CELA3B: variants seen among roughly 807,000 people sequenced by gnomAD.
CELA3B encodes chymotrypsin-like elastase family member 3B.
A neutral mutation model predicts 37.2 loss-of-function variants in CELA3B; 34 were observed. The observed-to-expected ratio is 0.91, with a 90% CI of 0.70 to 1.22. The LOEUF is 1.22. CELA3B is among the 50% of genes most tolerant of loss of function. The pLI is 0.00. For synonymous variants in CELA3B, 127 were observed against 143.5 expected, an observed-to-expected ratio of 0.89 and a Z score of 0.82; for missense variants, 340 against 363.1, an observed-to-expected ratio of 0.94 and a Z score of 0.52.
intron 6 of CELA3B, among the ~76,000 whole-genome samples, chr1:21,985,983 C>T (rs12077921): frequency 0.84 from 46,518 of 55,138 alleles, 20,388 homozygotes; most frequent in Middle Eastern, 0.96. Flanking sequence ...ACTATGTTTA[C>T]TGAGTGCTTC....
downstream of CELA3B, among the ~76,000 whole-genome samples, chr1:21,994,120 C>A (rs1644879546): frequency 6.6e-6 from 1 of 151,758 alleles, no homozygotes; most frequent in South Asian, 2.1e-4. Flanking sequence ...CTGCTCCCAT[C>A]CCAGAGAAGC....
chr1:21,978,486 C>T (rs775380327), intron 2 of CELA3B, 32 bp downstream of exon 2: 27 of 1,609,218 alleles, frequency 1.7e-5, no homozygotes, highest in Non-Finnish European at 2.0e-5. Flanking sequence ...CTCATTCCCA[C>T]CGTGGGCTCT....
Position 21,977,096 on chromosome 1 carries a change from C to A in CELA3B, c.43+14C>A, listed in dbSNP as rs1644776855. 1 of 1,614,168 alleles carries A rather than the reference C, an allele frequency of 6.2e-7. No homozygotes were observed. The highest frequency in any genetic ancestry group is 2.2e-5 in the East Asian group (1 of 44,888). ...TTGTGGCCGTTGGTAAGACCCCAAC[C>A]TGTGTGTGTGCTCCCTGGGCTGCCC... On this transcript the variant is annotated intron_variant, in intron 1 of 7. Coordinates refer to ENST00000337107, the MANE Select transcript of CELA3B (RefSeq NM_007352.4).
At chr1:21,983,311 T>A (rs1322228983) in intron 4 of CELA3B, among the ~76,000 whole-genome samples, 4 of 151,450 alleles carry the variant, frequency 2.6e-5, no homozygotes, top group Non-Finnish European at 5.9e-5. Context: ...GCCGAGATCA[T>A]GCCACTGCAC....
downstream of CELA3B, among the ~76,000 whole-genome samples, chr1:21,992,379 G>A (rs1375400916): frequency 1.3e-5 from 2 of 151,818 alleles, no homozygotes; most frequent in South Asian, 2.1e-4. Flanking sequence ...ACTCCAGCCT[G>A]GACAACATAG....
At chr1:21,986,475 C>T in intron 6 of CELA3B, 56 bp from the exon 7 acceptor site, 1 of 1,598,364 alleles carries the variant, frequency 6.3e-7, no homozygotes, top group Non-Finnish European at 8.5e-7. Flanking sequence ...AATTCAGAAC[C>T]AGTTCCATAA....
At chr1:21,988,692 C>A (rs1286656777) in intron 7 of CELA3B, among the ~76,000 whole-genome samples, 3 of 151,212 alleles carry the variant, frequency 2.0e-5, no homozygotes, top group Non-Finnish European at 4.4e-5. Context: ...GAGATTGAGA[C>A]CATCCTGGCT....
chr1:21,978,313 T>A, intron 1 of CELA3B, 56 bp from the exon 2 acceptor site: 1 of 1,600,936 alleles, frequency 6.2e-7, no homozygotes, highest in Non-Finnish European at 8.6e-7. Context: ...GACCCTGGCC[T>A]CCTCTTTGCT....
Position 21,978,402 on chromosome 1 carries a change from C to T in CELA3B, c.77C>T (p.Ser26Phe). 1 of 1,614,118 alleles carries T rather than the reference C, an allele frequency of 6.2e-7. No homozygotes were observed. The highest frequency in any genetic ancestry group is 1.7e-5 in the Admixed American group (1 of 60,022). The change falls in exon 2 of 8, where the codon TCC (serine) becomes TTC (phenylalanine). Residue 26 changes from serine (S) to phenylalanine (F), a missense_variant. Physicochemically the swap from Ser to Phe is radical, Grantham distance 155 (BLOSUM62 -2). Coordinates refer to ENST00000337107, the MANE Select transcript of CELA3B (RefSeq NM_007352.4). ...SGYGPPSSRP[S>F]SRVVNGEDAV... is the part of the protein sequence containing the mutation. ...TATGGCCCACCTTCCTCTCGCCCTT[C>T]CAGCCGCGTTGTCAATGGTGAGGAT...
chr1:21,980,992 G>C, intron 3 of CELA3B, 46 bp from the exon 4 acceptor site: 4 of 1,614,094 alleles, frequency 2.5e-6, no homozygotes, highest in Non-Finnish European at 3.4e-6. Flanking sequence ...TGGGGAAGGA[G>C]GGAGGTAGCC....
intron 4 of CELA3B, among the ~76,000 whole-genome samples, chr1:21,995,810 T>C (rs1032463966): frequency 2.1e-5 from 3 of 146,312 alleles, no homozygotes; most frequent in African/African-American, 5.2e-5. Context: ...TATTAGCAGC[T>C]TGTTTCCTTC....
chr1:21,992,755 T>A (rs1263378210), downstream of CELA3B, among the ~76,000 whole-genome samples: 3 of 151,000 alleles, frequency 2.0e-5, no homozygotes, highest in Non-Finnish European at 2.9e-5. Context: ...GTAGGAGGAC[T>A]GGAGGACTGC....
intron 4 of CELA3B, among the ~76,000 whole-genome samples, chr1:21,982,255 G>A (rs938268240): frequency 2.0e-5 from 3 of 152,072 alleles, no homozygotes; most frequent in African/African-American, 7.2e-5. Flanking sequence ...AGAGGGCAGT[G>A]GTTCTCAAAA....
Position 21,984,175 on chromosome 1 carries a change from T to A in CELA3B, c.500-14T>A, listed in dbSNP as rs528314446. ...GCCCCCAGACCCCTGACTCGGTGCT[T>A]TTTATCGCTGCAGCCAACGGGCCAC... is the stretch of plus-strand genomic sequence containing the variant. On this transcript the variant is annotated splice_polypyrimidine_tract_variant and intron_variant, in intron 5 of 7. Transcript: ENST00000337107. 1.4e-5 allele frequency: 22 copies of A among 1,610,908 alleles called. No homozygotes were observed. The highest frequency in any genetic ancestry group is 1.2e-5 in the Non-Finnish European group (14 of 1,178,272).
Position 21,978,433 on chromosome 1 carries a change from C to T in CELA3B, c.108C>T (p.Val36=), listed in dbSNP as rs751021838. Residue 36 remains valine (V), a synonymous_variant, in exon 2 of 8, where the codon GTC becomes GTT. Coordinates refer to ENST00000337107, the MANE Select transcript of CELA3B (RefSeq NM_007352.4). The part of the protein sequence containing the change: ...SSRVVNGEDA[V]PYSWPWQVSL... ...GCGTTGTCAATGGTGAGGATGCGGTCCCCTACAGCTGGCCCTGGCAGGTAA... is the reference window on the plus strand; with the variant it reads ...GCGTTGTCAATGGTGAGGATGCGGTTCCCTACAGCTGGCCCTGGCAGGTAA... 6.2e-7 allele frequency: 1 copy of T among 1,613,986 alleles called. No individual in the cohort carries two copies. The highest frequency in any genetic ancestry group is 1.3e-5 in the African/African-American group (1 of 74,958).
At chr1:21,981,893 T>C (rs1009772874) in intron 4 of CELA3B, among the ~76,000 whole-genome samples, 1 of 151,892 alleles carries the variant, frequency 6.6e-6, no homozygotes, top group Non-Finnish European at 1.5e-5. Context: ...GCCTGGCTAA[T>C]TTTTTGTATT....
rs547104599 is a variant in CELA3B, at chr1:21,983,670, C to A, written c.363-24C>A. 1.8e-5 allele frequency: 29 copies of A among 1,610,572 alleles called. No homozygotes were observed. In the East Asian group the frequency reaches 6.0e-4, roughly 33 times the overall value. ...CTTGGGCCGGCTGGAGGACCAGGCC[C>A]CGTGACTGTTCCCTCCTCCCCAGCA... On this transcript the variant is annotated intron_variant, in intron 4 of 7. Transcript: ENST00000337107.
At chr1:21,983,170 C>T (rs1644815047) in intron 4 of CELA3B, among the ~76,000 whole-genome samples, 2 of 151,978 alleles carry the variant, frequency 1.3e-5, no homozygotes, top group Non-Finnish European at 2.9e-5. Flanking sequence ...GCCAACATGG[C>T]AAAACCCCGT....
chr1:21,980,510 C>T (rs58363133), intron 2 of CELA3B, among the ~76,000 whole-genome samples: 8,068 of 149,096 alleles, frequency 0.054, 502 homozygotes, highest in African/African-American at 0.16. Context: ...GCGAGGGGTG[C>T]GTGATAGAAC....
Sources: allele counts gnomAD v4.1 joint callset (sites outside exome capture counted in the v4.1 genomes callset), GRCh38; gene constraint gnomAD v4.1.1; transcripts MANE v1.5; gene names NCBI Gene and HGNC (gene_info 2026-07-23, HGNC 2026-07-21).